The following AKTIP variants were observed in gnomAD, a reference collection of about 807,000 sequenced individuals.
AKTIP encodes the protein AKT-interacting protein.
Under a neutral mutation model 39.1 loss-of-function variants are expected in AKTIP, and 16 were observed. The ratio of observed to expected loss-of-function variants is 0.41; its 90% CI spans 0.28 to 0.62. AKTIP has a LOEUF of 0.62. Ranked by LOEUF, AKTIP falls within the 20% of genes least tolerant of loss-of-function variation. The pLI is 0.32. For synonymous variants in AKTIP, 93 were observed against 124.3 expected, an observed-to-expected ratio of 0.75 and a Z score of 1.67; for missense variants, 262 against 356.6, an observed-to-expected ratio of 0.73 and a Z score of 2.14.
At chr16:53,501,047 G>A (rs1962139226) in intron 1 of AKTIP, 1 of 152,160 alleles carries the variant, frequency 6.6e-6, no homozygotes, top group African/African-American at 2.4e-5. Flanking sequence ...ACTGTTCCCA[G>A]GGTTATGGGA....
Position 53,492,536 on chromosome 16 carries a change from A to G in AKTIP, c.772-17T>C, listed in dbSNP as rs1276202175. 2.5e-6 allele frequency: 4 copies of G among 1,613,566 alleles called. No homozygotes were observed. In the East Asian group the frequency reaches 8.9e-5, roughly 36 times the overall value. On this transcript the variant is annotated splice_polypyrimidine_tract_variant and intron_variant, in intron 9 of 9. Transcript: ENST00000394657. ...TTCAGGCTTCTTCTAGGCACAATCA[A>G]AACAGATATTTAAAAAATTACTGGT...
intron 3 of AKTIP, among the ~76,000 whole-genome samples, chr16:53,497,537 C>T (rs1408366316): frequency 2.0e-5 from 3 of 152,198 alleles, no homozygotes; most frequent in Non-Finnish European, 2.9e-5. Flanking sequence ...TCCCTAAGGA[C>T]TGGCCTTCCT....
upstream of AKTIP, chr16:53,503,213 G>GCAGCGCCAGCCCTGCCC (rs1962290236): frequency 6.5e-6 from 1 of 154,340 alleles, no homozygotes; most frequent in African/African-American, 2.4e-5. Flanking sequence ...ATCTCCCGCC[G>GCAGCGCCAGCCCTGCCC]CAGCGCCAGC....
intron 1 of AKTIP, chr16:53,501,025 A>AT (rs1431314177): frequency 6.6e-6 from 1 of 152,214 alleles, no homozygotes; most frequent in African/African-American, 2.4e-5. Context: ...CCACATACAC[A>AT]TAAGTTGTAT....
intron 2 of AKTIP, among the ~76,000 whole-genome samples, chr16:53,498,839 A>G (rs1419545046): frequency 2.6e-5 from 4 of 152,238 alleles, no homozygotes; most frequent in Non-Finnish European, 5.9e-5. Flanking sequence ...TAAGGATGAT[A>G]CAATCAGTGT....
intron 8 of AKTIP, chr16:53,493,930 C>T (rs763286423): frequency 6.2e-5 from 33 of 533,816 alleles, no homozygotes; most frequent in Admixed American, 2.0e-4. Flanking sequence ...AATGTGCTGT[C>T]GGCACAGCCT....
At chr16:53,498,694 T>G in intron 2 of AKTIP, 98 bp from the exon 3 acceptor site, 1 of 1,215,828 alleles carries the variant, frequency 8.2e-7, no homozygotes. Context: ...AATTACTCCT[T>G]TACAAGCACA....
chr16:53,491,484 T>A lies in AKTIP; in HGVS notation c.*928A>T, dbSNP rs1961452000. 6.6e-6 allele frequency: 1 copy of A among 152,590 alleles called. No individual in the cohort carries two copies. Among genetic ancestry groups the A allele is most frequent in the Non-Finnish European group, 1.5e-5 (1 of 68,024 alleles). 9.5% of individuals were successfully genotyped at this position (152,590 alleles called of 1,614,324 possible). On this transcript the variant is annotated 3_prime_UTR_variant, in exon 10 of 10. Transcript: ENST00000394657. ...AATTCAATTGTAAATTGAATCAGTATAAACAAAGTTACTAGGTAACTTCAT... is the reference window on the plus strand; with the variant it reads ...AATTCAATTGTAAATTGAATCAGTAAAAACAAAGTTACTAGGTAACTTCAT...
rs1234955263 is a variant in AKTIP at position 53,499,873 on chromosome 16, AATG to A, written c.42+342_42+344del. The stretch of plus-strand genomic sequence containing the variant: ...AATTAGTGCCCCTCAAGTCTGATTT[AATG>A]ATATTAGACTAGCCTTTCCCACAGC... On this transcript the variant is annotated intron_variant, in intron 2 of 9. Transcript: ENST00000394657. Among the ~76,000 whole-genome samples, 9 of 152,324 alleles carry A rather than the reference AATG, an allele frequency of 5.9e-5. No homozygotes were observed. In the East Asian group the frequency reaches 1.3e-3, roughly 23 times the overall value.
chr16:53,496,983 G>C (rs547982567), intron 3 of AKTIP, among the ~76,000 whole-genome samples: 171 of 151,942 alleles, frequency 1.1e-3, no homozygotes, highest in Non-Finnish European at 2.2e-3. Context: ...TTTTTTTTTA[G>C]AGACGGGGTC....
chr16:53,503,101 C>T (rs1488686615), intron 1 of AKTIP, 46 bp downstream of exon 1: 1 of 152,506 alleles, frequency 6.6e-6, no homozygotes. Context: ...TTTACAGACA[C>T]CTCAGCCCTC....
At chr16:53,492,608 T>G in intron 9 of AKTIP, 85 bp downstream of exon 9, 1 of 1,598,658 alleles carries the variant, frequency 6.3e-7, no homozygotes, top group South Asian at 1.1e-5. Context: ...AAAAAGTTAC[T>G]TGTATGTAAT....
At position 53,500,326 on chromosome 16, in the gene AKTIP, T is replaced by A; in HGVS notation, c.-67A>T. The A allele has an allele frequency of 6.3e-7, 1 of 1,590,828 alleles. No homozygotes were observed. Among genetic ancestry groups the A allele is most frequent in the Non-Finnish European group, 8.5e-7 (1 of 1,172,810 alleles). On this transcript the variant is annotated 5_prime_UTR_variant, in exon 2 of 10. Transcript: ENST00000394657. ...AAATCTTCTGTCTTCGGCATTCACT[T>A]TACCTTAAAACAAGACGGGAAGACA...
rs1962085907 is a variant in AKTIP at position 53,500,248 on chromosome 16, G to C, written c.12C>G (p.Phe4Leu). Residue 4 changes from phenylalanine to leucine, a missense_variant, in exon 2 of 10, where the codon TTC (phenylalanine) becomes TTG (leucine). Coordinates refer to ENST00000394657, the MANE Select transcript of AKTIP (RefSeq NM_022476.4). The stretch of plus-strand genomic sequence containing the variant: ...GTACAGAGCTTGTAGACATGCTCCA[G>C]AAAGGGTTCATAACGTGTATTCCAA... Reference protein sequence around the residue: MNPFWSMSTSSVRK... With the variant: MNPLWSMSTSSVRK... 1.2e-6 allele frequency: 2 copies of C among 1,613,194 alleles called. No homozygotes were observed. The highest frequency in any genetic ancestry group is 1.7e-6 in the Non-Finnish European group (2 of 1,179,714).
chr16:53,503,259 G>GCCCCGCCCCA (rs1381452800), upstream of AKTIP: 127 of 37,084 alleles, frequency 3.4e-3, no homozygotes, highest in African/African-American at 0.012. Context: ...GCCCCACCCC[G>GCCCCGCCCCA]CCCTGCCCTG....
chr16:53,494,464 G>A lies in AKTIP; in HGVS notation c.504-27C>T, dbSNP rs779576045. ...TAAAGGGAAACATGGCGTGATTACC[G>A]AGGCGTCCTCTTGCTGTATTATGTC... On this transcript the variant is annotated intron_variant, in intron 6 of 9. Coordinates refer to ENST00000394657, the MANE Select transcript of AKTIP (RefSeq NM_022476.4). 7 of 1,613,348 alleles carry A rather than the reference G, an allele frequency of 4.3e-6. No individual in the cohort carries two copies. The Admixed American group carries it at 6.7e-5, about 15-fold the overall frequency.
In AKTIP at chr16:53,491,237, C is replaced by T. The variant is rs1453677949; in HGVS notation, c.*1175G>A. On this transcript the variant is annotated 3_prime_UTR_variant, in exon 10 of 10. Coordinates refer to ENST00000394657, the MANE Select transcript of AKTIP (RefSeq NM_022476.4). ...ACCTCTTCCTTTAGGAGGGAGTTATCTAAAAGAAATGTCTATTAAGGTGAT... is the reference window on the plus strand; with the variant it reads ...ACCTCTTCCTTTAGGAGGGAGTTATTTAAAAGAAATGTCTATTAAGGTGAT... 2.0e-5 allele frequency: 3 copies of T among 151,974 alleles called. No homozygotes were observed. Among genetic ancestry groups the T allele is most frequent in the African/African-American group, 7.3e-5 (3 of 41,360 alleles). 9.4% of individuals were successfully genotyped at this position (151,974 alleles called of 1,614,324 possible).
upstream of AKTIP, chr16:53,503,247 C>G (rs1183051461): frequency 5.8e-5 from 2 of 34,200 alleles, no homozygotes; most frequent in African/African-American, 2.0e-4. Context: ...GATCCCCGCC[C>G]CGCCCCACCC....
In AKTIP at chr16:53,494,495, AAG is replaced by A. The variant is rs768413364; in HGVS notation, c.503+20_503+21del. 2.5e-6 allele frequency: 4 copies of A among 1,614,050 alleles called. No individual in the cohort carries two copies. The Admixed American group carries it at 6.7e-5, about 27-fold the overall frequency. On this transcript the variant is annotated intron_variant, in intron 6 of 9. Transcript: ENST00000394657. ...TCCTCTTGCTGTATTATGTCACTAA[AAG>A]AAACACTTTATTTACTTACCTCCAT...
Sources: allele counts gnomAD v4.1 joint callset (sites outside exome capture counted in the v4.1 genomes callset), GRCh38; gene constraint gnomAD v4.1.1; transcripts MANE v1.5; gene names NCBI Gene and HGNC (gene_info 2026-07-23, HGNC 2026-07-21).